The following PIEZO2 variants were observed in gnomAD, a reference collection of about 807,000 sequenced individuals.
The protein encoded by PIEZO2 is piezo-type mechanosensitive ion channel component 2.
Under a neutral mutation model 337.3 loss-of-function variants are expected in PIEZO2, and 172 were observed. The observed-to-expected ratio is 0.51, with a 90% confidence interval of 0.45 to 0.58. The LOEUF is 0.58. PIEZO2 is among the 20% of genes least tolerant of loss of function. The pLI is 0.00. For missense variants in PIEZO2, 3,028 were observed against 3,391.3 expected (o/e 0.89, Z 2.66); for synonymous variants, 1,251 against 1,228.5 (o/e 1.02, Z -0.38).
chr18:10,839,955 G>GC (rs372957724), intron 7 of PIEZO2, among the ~76,000 whole-genome samples: 140 of 152,290 alleles, frequency 9.2e-4, no homozygotes, highest in African/African-American at 3.3e-3. Context: ...ACAAAAACTT[G>GC]CATCTTCTCA....
rs939325313 is a variant in PIEZO2, at chr18:11,116,306, G to A, written c.64+32219C>T. Among the ~76,000 whole-genome samples, 1 of 152,180 alleles carries A rather than the reference G, an allele frequency of 6.6e-6. No individual in the cohort carries two copies. Among genetic ancestry groups the A allele is most frequent in the Non-Finnish European group, 1.5e-5 (1 of 68,046 alleles). ...CCCAGGAAGGGCAGAGTTTCTCTGA[G>A]CCCCAAAACCACTAATAGAATATGT... On this transcript the variant is annotated intron_variant, in intron 1 of 55. Transcript: ENST00000674853. This position sits in a 1 kb window ranked among gnomAD's most constrained non-coding sequence, Gnocchi z 5.0.
chr18:10,907,901 C>G (rs1341518755), intron 4 of PIEZO2, among the ~76,000 whole-genome samples: 1 of 152,210 alleles, frequency 6.6e-6, no homozygotes, highest in East Asian at 1.9e-4. Context: ...GTAGATATTA[C>G]TAATGTAGTA....
In PIEZO2 at chr18:10,794,159, C is replaced by A. The variant is rs1400440704; in HGVS notation, c.1758+613G>T. 6.6e-6 allele frequency among the ~76,000 whole-genome samples: 1 copy of A among 152,070 alleles called. No homozygotes were observed. Among genetic ancestry groups the A allele is most frequent in the Non-Finnish European group, 1.5e-5 (1 of 67,994 alleles). On this transcript the variant is annotated intron_variant, in intron 13 of 55. Transcript: ENST00000674853. This position sits in a 1 kb window ranked among gnomAD's most constrained non-coding sequence, Gnocchi z 6.6. ...TTAGTCTGCCATTCTGTTAACAAAA[C>A]AAACAGTAAGTTGGGAAACCTAATC... is the stretch of plus-strand genomic sequence containing the variant.
Position 11,033,170 on chromosome 18 carries a change from C to A in PIEZO2, c.160+32957G>T, listed in dbSNP as rs1232282007. ...ACGTCATTGAGTCCTCTCTACAACA[C>A]ACATGTGGGCACTGTTCTCTCCTTC... On this transcript the variant is annotated intron_variant, in intron 2 of 55. Transcript: ENST00000674853. This position sits in a 1 kb window ranked among gnomAD's most constrained non-coding sequence, Gnocchi z 4.2. 6.6e-6 allele frequency among the ~76,000 whole-genome samples: 1 copy of A among 152,246 alleles called. No individual in the cohort carries two copies. Among genetic ancestry groups the A allele is most frequent in the Non-Finnish European group, 1.5e-5 (1 of 68,050 alleles).
rs1309408655 is a variant in PIEZO2, at chr18:11,002,545, A to G, written c.161-22885T>C. Among the ~76,000 whole-genome samples, 7 of 152,232 alleles carry G rather than the reference A, an allele frequency of 4.6e-5. No homozygotes were observed. The highest frequency in any genetic ancestry group is 1.0e-4 in the Non-Finnish European group (7 of 68,042). On this transcript the variant is annotated intron_variant, in intron 2 of 55. Coordinates refer to ENST00000674853, the MANE Select transcript of PIEZO2 (RefSeq NM_001378183.1). This position sits in a 1 kb window ranked among gnomAD's most constrained non-coding sequence, Gnocchi z 4.3. ...TTCACAGGGCTCAGCTCCCTGGAGA[A>G]GACCCCACACACACTTTCACTTTCT... is the stretch of plus-strand genomic sequence containing the variant.
In PIEZO2 at chr18:10,744,145, C is replaced by T. The variant is rs903681379; in HGVS notation, c.4511G>A (p.Arg1504Gln). Reference sequence around the variant, plus strand: ...TGAGCATCAATAGCATCCTTACTGTCGCTTCAGCTGGTCCATGGACTTCTT... The same window carrying T: ...TGAGCATCAATAGCATCCTTACTGTTGCTTCAGCTGGTCCATGGACTTCTT... ...EEKKSMDQLK[R>Q]QMDRIKARQQ... Residue 1504 changes from arginine to glutamine, a missense_variant, in exon 31 of 56, where the codon CGA becomes CAA. By Grantham distance (43) the Arg-to-Gln change is conservative. This residue lies in a region of PIEZO2 where 1,925 missense variants were observed against 2,051.9 expected (regional missense o/e 0.94). Coordinates refer to ENST00000674853, the MANE Select transcript of PIEZO2 (RefSeq NM_001378183.1). 27 of 1,530,730 alleles carry T rather than the reference C, an allele frequency of 1.8e-5. No homozygotes were observed. Among genetic ancestry groups the T allele is most frequent in the East Asian group, 7.3e-5 (3 of 40,888 alleles). The allele number at this position is 1,530,730 out of a possible 1,614,324, so 94.8% of individuals were successfully genotyped here.
rs544904793 is a variant in PIEZO2 at position 10,818,441 on chromosome 18, T to G, written c.918-11167A>C. Among the ~76,000 whole-genome samples the G allele has an allele frequency of 3.3e-5, 5 of 152,338 alleles. No individual in the cohort carries two copies. In the South Asian group the frequency reaches 1.0e-3, roughly 32 times the overall value. ...CACTTGTGTATACCCAATATTTTCC[T>G]GGGAATTCTTCATCACGGAAGTATC... is the stretch of plus-strand genomic sequence containing the variant. On this transcript the variant is annotated intron_variant, in intron 7 of 55. Transcript: ENST00000674853.
At chr18:11,037,670 C>G (rs939408488) in intron 2 of PIEZO2, among the ~76,000 whole-genome samples, 2 of 152,134 alleles carry the variant, frequency 1.3e-5, no homozygotes, top group Non-Finnish European at 2.9e-5. Context: ...CTGTTTCCAG[C>G]CCTCTTTCCA....
At chr18:10,978,765 T>C (rs2034547497) in intron 3 of PIEZO2, among the ~76,000 whole-genome samples, 1 of 152,216 alleles carries the variant, frequency 6.6e-6, no homozygotes, top group Non-Finnish European at 1.5e-5. Flanking sequence ...AAGTTAAAAC[T>C]GTTATTACAG....
rs771021723 is a variant in PIEZO2 at position 10,979,223 on chromosome 18, GA to G, written c.286+311del. ...TTTTTTTTTTTTTACTCGCTGTAATGAAAGCTCCAAGGGCTGTCTGTAACTC... is the reference window on the plus strand; with the variant it reads ...TTTTTTTTTTTTTACTCGCTGTAATGAAGCTCCAAGGGCTGTCTGTAACTC... On this transcript the variant is annotated intron_variant, in intron 3 of 55. Coordinates refer to ENST00000674853, the MANE Select transcript of PIEZO2 (RefSeq NM_001378183.1). This position sits in a 1 kb window ranked among gnomAD's most constrained non-coding sequence, Gnocchi z 4.0. Among the ~76,000 whole-genome samples, 13 of 148,354 alleles carry G rather than the reference GA, an allele frequency of 8.8e-5. No homozygotes were observed. Among genetic ancestry groups the G allele is most frequent in the Non-Finnish European group, 1.8e-4 (12 of 67,468 alleles).
At chr18:10,697,462 C>T (rs547772913) in intron 45 of PIEZO2, among the ~76,000 whole-genome samples, 3 of 152,342 alleles carry the variant, frequency 2.0e-5, no homozygotes, top group Admixed American at 6.5e-5. Flanking sequence ...CTGGACTTCA[C>T]CATGATAATG....
intron 3 of PIEZO2, among the ~76,000 whole-genome samples, chr18:10,968,583 T>C (rs949028984): frequency 9.9e-5 from 15 of 152,178 alleles, no homozygotes; most frequent in African/African-American, 3.6e-4. Flanking sequence ...CTTCAAGAGT[T>C]ATGTCCATTT....
At position 11,009,555 on chromosome 18, in the gene PIEZO2, A is replaced by G. The variant is rs1265857815; in HGVS notation, c.161-29895T>C. ...CACCTTTCTTCTTATTAAACATTTA[A>G]GTAAGTCTCACTTTTCCAAGATCAT... is the stretch of plus-strand genomic sequence containing the variant. On this transcript the variant is annotated intron_variant, in intron 2 of 55. Coordinates refer to ENST00000674853, the MANE Select transcript of PIEZO2 (RefSeq NM_001378183.1). This position sits in a 1 kb window ranked among gnomAD's most constrained non-coding sequence, Gnocchi z 4.6. 6.6e-6 allele frequency among the ~76,000 whole-genome samples: 1 copy of G among 152,206 alleles called. No homozygotes were observed. Among genetic ancestry groups the G allele is most frequent in the Non-Finnish European group, 1.5e-5 (1 of 68,038 alleles).
In PIEZO2 at chr18:10,872,150, G is replaced by A. The variant is rs569801173; in HGVS notation, c.330-735C>T. 2.0e-5 allele frequency among the ~76,000 whole-genome samples: 3 copies of A among 152,290 alleles called. No individual in the cohort carries two copies. Among genetic ancestry groups the A allele is most frequent in the East Asian group, 1.9e-4 (1 of 5,192 alleles). On this transcript the variant is annotated intron_variant, in intron 4 of 55. Coordinates refer to ENST00000674853, the MANE Select transcript of PIEZO2 (RefSeq NM_001378183.1). The surrounding 1 kb of genome is among the most constrained non-coding windows in gnomAD (Gnocchi z 4.3). ...AATACATATACATGAAATAATGTTCGTGAAAGTTCTTTGTAAAGAATGAAA... is the reference window on the plus strand; with the variant it reads ...AATACATATACATGAAATAATGTTCATGAAAGTTCTTTGTAAAGAATGAAA...
rs2038309341 is a variant in PIEZO2 at position 11,070,652 on chromosome 18, G to A, written c.65-4430C>T. Among the ~76,000 whole-genome samples the A allele has an allele frequency of 6.6e-6, 1 of 152,222 alleles. No individual in the cohort carries two copies. The highest frequency in any genetic ancestry group is 1.5e-5 in the Non-Finnish European group (1 of 68,034). On this transcript the variant is annotated intron_variant, in intron 1 of 55. Coordinates refer to ENST00000674853, the MANE Select transcript of PIEZO2 (RefSeq NM_001378183.1). The surrounding 1 kb of genome is among the most constrained non-coding windows in gnomAD (Gnocchi z 4.3). ...GACTGTCGTGACTGCCGGTAAGGAT[G>A]TCCTTGCAGGCCCTCGCAGAAGGGC... is the stretch of plus-strand genomic sequence containing the variant.
rs890269104 is a variant in PIEZO2 at position 10,833,494 on chromosome 18, C to G, written c.917+21859G>C. ...CAGAACATGCAGGCAGCTCGCTCCC[C>G]GGTGGGTTTTTATTTCTGTTGGAGT... On this transcript the variant is annotated intron_variant, in intron 7 of 55. Transcript: ENST00000674853. The surrounding 1 kb of genome is among the most constrained non-coding windows in gnomAD (Gnocchi z 4.7). Among the ~76,000 whole-genome samples, 10 of 152,084 alleles carry G rather than the reference C, an allele frequency of 6.6e-5. No homozygotes were observed. The highest frequency in any genetic ancestry group is 1.3e-4 in the Non-Finnish European group (9 of 68,014).
chr18:11,081,481 T>C (rs1016970756), intron 1 of PIEZO2, among the ~76,000 whole-genome samples: 2 of 152,204 alleles, frequency 1.3e-5, no homozygotes, highest in African/African-American at 2.4e-5. Context: ...AAACCATGTA[T>C]AATTTTTTTA....
In PIEZO2 at chr18:11,027,914, A is replaced by G. The variant is rs1000800248; in HGVS notation, c.160+38213T>C. On this transcript the variant is annotated intron_variant, in intron 2 of 55. Coordinates refer to ENST00000674853, the MANE Select transcript of PIEZO2 (RefSeq NM_001378183.1). The surrounding 1 kb of genome is among the most constrained non-coding windows in gnomAD (Gnocchi z 4.2). ...TAAAGAAACAATTGTTAAATATACT[A>G]GAAGAGCCTTCGTAGAGTACTCTTT... Among the ~76,000 whole-genome samples, 1 of 152,248 alleles carries G rather than the reference A, an allele frequency of 6.6e-6. No homozygotes were observed. Among genetic ancestry groups the G allele is most frequent in the Non-Finnish European group, 1.5e-5 (1 of 68,048 alleles).
intron 1 of PIEZO2, among the ~76,000 whole-genome samples, chr18:11,139,422 G>A (rs1461225448): frequency 3.3e-5 from 5 of 151,860 alleles, no homozygotes; most frequent in African/African-American, 4.8e-5. Context: ...AGAAAGATGT[G>A]CTACTTTCTG....
Sources: allele counts gnomAD v4.1 joint callset (sites outside exome capture counted in the v4.1 genomes callset), GRCh38; gene constraint gnomAD v4.1.1; regional missense constraint gnomAD v4.1.1; non-coding constraint Gnocchi (gnomAD v3.1); transcripts MANE v1.5; gene names NCBI Gene and HGNC (gene_info 2026-07-23, HGNC 2026-07-21).